PRLR: variants seen among roughly 807,000 people sequenced by gnomAD.
PRLR encodes the protein prolactin receptor, also known as hPRL receptor.
In PRLR, 13 loss-of-function variants were observed where a neutral mutation model predicts 40.2. The observed-to-expected ratio is 0.32, with a 90% CI of 0.21 to 0.51. The LOEUF is 0.51. Ranked by LOEUF, PRLR falls within the 20% of genes least tolerant of loss-of-function variation. The pLI, the probability that PRLR is intolerant of heterozygous loss-of-function variation, is 0.97. For missense variants in PRLR, 656 were observed against 747.3 expected, an observed-to-expected ratio of 0.88 and a Z score of 1.42; for synonymous variants, 269 against 278.7, an observed-to-expected ratio of 0.97 and a Z score of 0.35.
At position 35,049,903 on chromosome 5, in the gene PRLR, C is replaced by CTTTT. The variant is rs57649490; in HGVS notation, c.1010-499_1010-496dup. ...AACTAACATTGCACGAAACTACATT[C>CTTTT]TTTTTTTTTTTTTTTTTTTTTGAGA... On this transcript the variant is annotated intron_variant, in intron 8 of 8. Coordinates refer to the PRLR transcript ENST00000231423. 4.8e-3 allele frequency among the ~76,000 whole-genome samples: 587 copies of CTTTT among 123,458 alleles called. 6 individuals are homozygous for CTTTT. The highest frequency in any genetic ancestry group is 0.017 in the African/African-American group (542 of 32,012). 81.0% of individuals were successfully genotyped at this position (123,458 alleles called of 152,430 possible).
intron 1 of PRLR, among the ~76,000 whole-genome samples, chr5:35,211,150 G>A (rs1346141734): frequency 6.6e-6 from 1 of 152,206 alleles, no homozygotes; most frequent in African/African-American, 2.4e-5. Context: ...GAATGCATTT[G>A]TAGCCAGTTT....
At chr5:35,073,477 T>C (rs1261919558) in intron 5 of PRLR, among the ~76,000 whole-genome samples, 2 of 152,240 alleles carry the variant, frequency 1.3e-5, no homozygotes, top group African/African-American at 2.4e-5. Flanking sequence ...ATACTATCTC[T>C]GCATCGTTTC....
At position 35,176,218 on chromosome 5, in the gene PRLR, T is replaced by G. The variant is rs7737790; in HGVS notation, c.-106+54050A>C. ...GTTTATAACTTCTCCCACTTACCAT[T>G]TTTTAAAGGCTTTTCCAAAAATCAA... On this transcript the variant is annotated intron_variant, in intron 1 of 9. Coordinates refer to ENST00000618457, the MANE Select transcript of PRLR (RefSeq NM_000949.7). Among the ~76,000 whole-genome samples the G allele has an allele frequency of 3.7e-3, 564 of 152,280 alleles. 6 individuals are homozygous for G. Among genetic ancestry groups the G allele is most frequent in the African/African-American group, 0.013 (549 of 41,554 alleles).
intron 1 of PRLR, among the ~76,000 whole-genome samples, chr5:35,131,616 G>C (rs113076696): frequency 6.6e-6 from 1 of 152,130 alleles, no homozygotes; most frequent in Non-Finnish European, 1.5e-5. Flanking sequence ...TCCCTGGGAC[G>C]GGCTGGGGTT....
rs368265470 is a variant in PRLR at position 35,068,235 on chromosome 5, A to T, written c.836T>A (p.Phe279Tyr). 1 of 1,613,138 alleles carries T rather than the reference A, an allele frequency of 6.2e-7. No individual in the cohort carries two copies. Among genetic ancestry groups the T allele is most frequent in the East Asian group, 2.2e-5 (1 of 44,868 alleles). ...ACTTACCTCCAACAGATGAGCATCA[A>T]ATCCTTTTATTTTTGGCCCAGGAAC... ...PPVPGPKIKG[F>Y]DAHLLEKGKS... The change falls in exon 9 of 10, where the codon TTT becomes TAT. Residue 279 changes from phenylalanine to tyrosine, a missense_variant. Phe to Tyr is a conservative substitution (Grantham distance 22, BLOSUM62 3). Coordinates refer to ENST00000618457, the MANE Select transcript of PRLR (RefSeq NM_000949.7).
chr5:35,053,432 C>G (rs927240046), downstream of PRLR, among the ~76,000 whole-genome samples: 23 of 152,284 alleles, frequency 1.5e-4, no homozygotes, highest in African/African-American at 5.5e-4. Context: ...GCCGGCGGAT[C>G]ACCTGAGGTC....
At chr5:35,150,924 G>A (rs937531966) in intron 1 of PRLR, among the ~76,000 whole-genome samples, 1 of 152,150 alleles carries the variant, frequency 6.6e-6, no homozygotes, top group African/African-American at 2.4e-5. Flanking sequence ...CCAGGAACAA[G>A]CTACTGATAG....
chr5:35,058,685 T>C lies in PRLR; in HGVS notation c.*6404A>G, dbSNP rs1227508225. On this transcript the variant is annotated 3_prime_UTR_variant, in exon 10 of 10. Coordinates refer to ENST00000618457, the MANE Select transcript of PRLR (RefSeq NM_000949.7). ...CTACATATGGATAAATTGTAAGTTA[T>C]TAAGTAATGATTTTCATTTGTATTA... is the stretch of plus-strand genomic sequence containing the variant. The C allele has an allele frequency of 6.6e-6, 1 of 152,220 alleles. No individual in the cohort carries two copies. Among genetic ancestry groups the C allele is most frequent in the Non-Finnish European group, 1.5e-5 (1 of 68,028 alleles). The allele number at this position is 152,220 out of a possible 1,614,324, so 9.4% of individuals were successfully genotyped here. A position where few individuals can be genotyped will look rare whatever the true frequency, so the allele number is the denominator to read the frequency against.
chr5:35,209,027 A>G (rs1776097943), intron 1 of PRLR, among the ~76,000 whole-genome samples: 1 of 152,150 alleles, frequency 6.6e-6, no homozygotes, highest in African/African-American at 2.4e-5. Flanking sequence ...TTACATACAC[A>G]TATATTATTG....
chr5:35,092,348 T>C (rs950197864), intron 2 of PRLR, among the ~76,000 whole-genome samples: 3 of 152,198 alleles, frequency 2.0e-5, no homozygotes, highest in Non-Finnish European at 2.9e-5. Context: ...CTGCATTTTC[T>C]TCCCAGGAAG....
intron 1 of PRLR, among the ~76,000 whole-genome samples, chr5:35,157,499 G>T (rs1774544747): frequency 6.6e-6 from 1 of 152,142 alleles, no homozygotes; most frequent in African/African-American, 2.4e-5. Flanking sequence ...TGGCTCTTCG[G>T]GGTTGCTTAT....
intron 5 of PRLR, chr5:35,081,994 T>G (rs1005442625): frequency 5.7e-6 from 1 of 174,630 alleles, no homozygotes; most frequent in Non-Finnish European, 1.2e-5. Context: ...ATGGCCTCCA[T>G]GTAGTAAGAC....
rs960635713 is a variant in PRLR, at chr5:35,058,885, A to G, written c.*6204T>C. The G allele has an allele frequency of 1.3e-5, 2 of 152,240 alleles. No homozygotes were observed. The highest frequency in any genetic ancestry group is 2.4e-5 in the African/African-American group (1 of 41,476). The allele number at this position is 152,240 out of a possible 1,614,324, so 9.4% of individuals were successfully genotyped here. ...AACCAGTCAAAGCATGAGACATGAC[A>G]TCTTTCATTTCTAAACTATAAGCAG... On this transcript the variant is annotated 3_prime_UTR_variant, in exon 10 of 10. Transcript: ENST00000618457.
intron 1 of PRLR, among the ~76,000 whole-genome samples, chr5:35,143,791 G>A (rs537425922): frequency 1.5e-4 from 23 of 152,090 alleles, no homozygotes; most frequent in African/African-American, 4.8e-4. Context: ...ATGTATTCAC[G>A]CATTTCTAAG....
At chr5:35,219,935 G>A (rs1450609278) in intron 1 of PRLR, among the ~76,000 whole-genome samples, 1 of 152,104 alleles carries the variant, frequency 6.6e-6, no homozygotes, top group South Asian at 2.1e-4. Context: ...CAGCACTTTC[G>A]CTGGTCCCCT....
chr5:35,148,969 A>G (rs1378219948), intron 1 of PRLR, among the ~76,000 whole-genome samples: 1 of 152,132 alleles, frequency 6.6e-6, no homozygotes, highest in Non-Finnish European at 1.5e-5. Flanking sequence ...ACACATTTAC[A>G]GAATTTCTTA....
At chr5:35,107,013 T>G (rs1772304725) in intron 2 of PRLR, among the ~76,000 whole-genome samples, 1 of 152,040 alleles carries the variant, frequency 6.6e-6, no homozygotes, top group African/African-American at 2.4e-5. Flanking sequence ...GAACAGAAAT[T>G]ATAACAAACT....
At chr5:35,195,006 G>T (rs547572443) in intron 1 of PRLR, 2 of 152,224 alleles carry the variant, frequency 1.3e-5, no homozygotes, top group South Asian at 4.2e-4. Context: ...GGGGAAAACG[G>T]GTATGTGGGA....
intron 1 of PRLR, among the ~76,000 whole-genome samples, chr5:35,131,455 G>A (rs1773670414): frequency 6.6e-6 from 1 of 152,138 alleles, no homozygotes; most frequent in Admixed American, 6.5e-5. Flanking sequence ...TGGTCCAGTG[G>A]CAGTGGGCTG....
Sources: allele counts gnomAD v4.1 joint callset (sites outside exome capture counted in the v4.1 genomes callset), GRCh38; gene constraint gnomAD v4.1.1; transcripts MANE v1.5; gene names NCBI Gene and HGNC (gene_info 2026-07-23, HGNC 2026-07-21).